Variants in SPEN observed in about 807,000 individuals in gnomAD.
The protein encoded by SPEN is msx2-interacting protein.
A neutral mutation model predicts 269.9 loss-of-function variants in SPEN; 18 were observed. The observed-to-expected ratio is 0.07, with a 90% CI of 0.05 to 0.10. The LOEUF is 0.10. Among genes scored for constraint, SPEN ranks in the 10% least tolerant of loss-of-function variants. The pLI, the probability that SPEN is intolerant of heterozygous loss-of-function variation, is 1.00. For synonymous variants in SPEN, 1,726 were observed against 1,765.7 expected (o/e 0.98, Z 0.56); for missense variants, 3,822 against 4,631.2 (o/e 0.83, Z 5.07).
At chr1:15,915,804 G>T (rs1570043466) in intron 5 of SPEN, among the ~76,000 whole-genome samples, 1 of 152,064 alleles carries the variant, frequency 6.6e-6, no homozygotes, top group African/African-American at 2.4e-5. Flanking sequence ...ATCTTAAAGT[G>T]CTGGAATTAC....
intron 2 of SPEN, chr1:15,874,341 A>G (rs772827230): frequency 3.7e-6 from 5 of 1,366,356 alleles, no homozygotes; most frequent in African/African-American, 3.0e-5. Context: ...TATGTTCACA[A>G]TTCTCTCCCT....
At position 15,934,140 on chromosome 1, in the gene SPEN, T is replaced by C; in HGVS notation, c.7900T>C (p.Ser2634Pro). The change falls in exon 11 of 15, where the codon TCA (serine) becomes CCA (proline). Residue 2634 changes from serine to proline, a missense_variant. By Grantham distance (74) the Ser-to-Pro change is moderately conservative. Transcript: ENST00000375759. The surrounding 1 kb of genome is among the most constrained non-coding windows in gnomAD (Gnocchi z 9.2). ...RMPVSIDLEN[S>P]QKITLAKPAP... The stretch of plus-strand genomic sequence containing the variant: ...GCCTGTCAGCATTGACCTGGAAAAT[T>C]CACAGAAGATAACCTTGGCAAAACC... The C allele has an allele frequency of 6.2e-7, 1 of 1,614,164 alleles. No homozygotes were observed. The highest frequency in any genetic ancestry group is 1.3e-5 in the African/African-American group (1 of 75,056).
At chr1:15,888,363 G>C (rs1202064919) in intron 3 of SPEN, among the ~76,000 whole-genome samples, 1 of 148,822 alleles carries the variant, frequency 6.7e-6, no homozygotes, top group Non-Finnish European at 1.5e-5. Flanking sequence ...TTGCTCTGTT[G>C]CCCAGGCGGA....
chr1:15,864,023 C>T (rs1376486833), intron 1 of SPEN, among the ~76,000 whole-genome samples: 1 of 152,104 alleles, frequency 6.6e-6, no homozygotes. Flanking sequence ...GAAGTTTTGA[C>T]ACATGCTACA....
chr1:15,856,232 C>T (rs375826503), intron 1 of SPEN, among the ~76,000 whole-genome samples: 3 of 151,654 alleles, frequency 2.0e-5, no homozygotes, highest in African/African-American at 4.8e-5. Context: ...CCTCAGGATC[C>T]GCCCGCCTCG....
At chr1:15,936,472 C>T (rs951935298) in intron 11 of SPEN, among the ~76,000 whole-genome samples, 39 of 151,142 alleles carry the variant, frequency 2.6e-4, no homozygotes, top group African/African-American at 8.5e-4. Flanking sequence ...AAAACCCCAT[C>T]TCGTACAAAA....
chr1:15,905,787 A>G (rs999356966), intron 3 of SPEN, among the ~76,000 whole-genome samples: 4 of 150,882 alleles, frequency 2.7e-5, no homozygotes, highest in Non-Finnish European at 5.9e-5. Context: ...GTTGGCCAGG[A>G]TGGTCTTGAT....
At chr1:15,862,589 G>C (rs2070458820) in intron 1 of SPEN, among the ~76,000 whole-genome samples, 1 of 152,122 alleles carries the variant, frequency 6.6e-6, no homozygotes, top group Non-Finnish European at 1.5e-5. Context: ...CTCATAATTT[G>C]ACAATCTTTT....
rs1356534025 is a variant in SPEN, at chr1:15,937,016, G to A, written c.10027-147G>A. 6 of 1,250,420 alleles carry A rather than the reference G, an allele frequency of 4.8e-6. No individual in the cohort carries two copies. The highest frequency in any genetic ancestry group is 1.5e-5 in the African/African-American group (1 of 66,592). 77.5% of individuals were successfully genotyped at this position (1,250,420 alleles called of 1,614,324 possible). The stretch of plus-strand genomic sequence containing the variant: ...TACCTGGAACCCCGAAAGCAGCTCC[G>A]TTGATTCAGGCTCCTTCTGTGGGCC... On this transcript the variant is annotated intron_variant, in intron 11 of 14. Coordinates refer to ENST00000375759, the MANE Select transcript of SPEN (RefSeq NM_015001.3). The surrounding 1 kb of genome is among the most constrained non-coding windows in gnomAD (Gnocchi z 5.7).
rs1292467515 is a variant in SPEN, at chr1:15,876,697, G to A, written c.881+19G>A. 1 of 1,559,908 alleles carries A rather than the reference G, an allele frequency of 6.4e-7. No individual in the cohort carries two copies. Among genetic ancestry groups the A allele is most frequent in the Admixed American group, 1.7e-5 (1 of 58,976 alleles). On this transcript the variant is annotated intron_variant, in intron 3 of 14. Transcript: ENST00000375759. ...GTGACAGGTAGGTTAACAGCCTTTT[G>A]TTATAACAGATGAGCTAGCTTTAAA... is the stretch of plus-strand genomic sequence containing the variant.
chr1:15,914,788 C>T (rs1038402708), intron 5 of SPEN, among the ~76,000 whole-genome samples: 3 of 152,050 alleles, frequency 2.0e-5, no homozygotes, highest in East Asian at 1.9e-4. Context: ...TGCTCCGCTG[C>T]ACTCCAGCCT....
intron 1 of SPEN, among the ~76,000 whole-genome samples, chr1:15,865,904 A>G (rs1322079895): frequency 7.1e-6 from 1 of 140,998 alleles, no homozygotes; most frequent in Non-Finnish European, 1.5e-5. Context: ...ATGGAATCTC[A>G]CTCTTGCCCA....
chr1:15,858,921 G>C (rs2070413233), intron 1 of SPEN, among the ~76,000 whole-genome samples: 1 of 152,106 alleles, frequency 6.6e-6, no homozygotes, highest in African/African-American at 2.4e-5. Context: ...TCTACCCTGG[G>C]CAATAGAGAA....
rs1298014107 is a variant in SPEN, at chr1:15,934,402, C to T, written c.8162C>T (p.Ala2721Val). 6.2e-7 allele frequency: 1 copy of T among 1,613,596 alleles called. No homozygotes were observed. Among genetic ancestry groups the T allele is most frequent in the African/African-American group, 1.3e-5 (1 of 74,930 alleles). The part of the protein sequence containing the change: ...VNATVGTVNA[A>V]PGTVNAAASA... ...GCCACGGTGGGCACAGTGAATGCCG[C>T]CCCAGGCACAGTCAATGCCGCTGCG... The change falls in exon 11 of 15, where the codon GCC (alanine) becomes GTC (valine). Residue 2721 changes from alanine to valine, a missense_variant. Physicochemically the swap from Ala to Val is moderately conservative, Grantham distance 64 (BLOSUM62 0). This residue lies in a region of SPEN where 329 missense variants were observed against 431.2 expected (regional missense o/e 0.76). Transcript: ENST00000375759. The surrounding 1 kb of genome is among the most constrained non-coding windows in gnomAD (Gnocchi z 9.2).
At chr1:15,913,770 T>A in intron 5 of SPEN, among the ~76,000 whole-genome samples, 1 of 151,820 alleles carries the variant, frequency 6.6e-6, no homozygotes, top group Non-Finnish European at 1.5e-5. Flanking sequence ...GGTGGGAGGA[T>A]TGCTTAAGCC....
chr1:15,904,479 T>TAAAAAAACAAAAAAAAA (rs1557750239), intron 3 of SPEN, among the ~76,000 whole-genome samples: 1 of 81,094 alleles, frequency 1.2e-5, no homozygotes, highest in Non-Finnish European at 2.4e-5. Context: ...AAAAAAAAAG[T>TAAAAAAACAAAAAAAAA]GAACTAAAAA....
intron 10 of SPEN, among the ~76,000 whole-genome samples, chr1:15,927,190 T>C (rs1448540117): frequency 6.6e-6 from 1 of 152,196 alleles, no homozygotes; most frequent in Non-Finnish European, 1.5e-5. Flanking sequence ...ACCAGACAGG[T>C]CCCTGTGGGA....
At chr1:15,923,231 A>G (rs1283785734) in intron 10 of SPEN, among the ~76,000 whole-genome samples, 1 of 152,224 alleles carries the variant, frequency 6.6e-6, no homozygotes, top group Non-Finnish European at 1.5e-5. Context: ...TCTTGTTAAT[A>G]CTTTCAGTCA....
intron 11 of SPEN, 70 bp downstream of exon 11, chr1:15,936,336 C>CT: frequency 6.8e-7 from 1 of 1,471,472 alleles, no homozygotes; most frequent in African/African-American, 1.4e-5. Context: ...GCTTTTAAGC[C>CT]AAGATGTGTG....
Sources: gnomAD v4.1 joint callset for allele counts (sites outside exome capture counted in the v4.1 genomes callset) on GRCh38, gnomAD v4.1.1 for gene constraint, gnomAD v4.1.1 regional missense constraint, Gnocchi (gnomAD v3.1) non-coding constraint, MANE v1.5 for transcripts, NCBI Gene and HGNC (gene_info 2026-07-23, HGNC 2026-07-21) for gene names.